Variants in NPSR1 observed in about 807,000 individuals in gnomAD.
NPSR1 encodes the protein neuropeptide S receptor 1, also known as neuropeptide S receptor.
Under a neutral mutation model 46.9 loss-of-function variants are expected in NPSR1, and 48 were observed. The ratio of observed to expected loss-of-function variants is 1.02; its 90% CI spans 0.81 to 1.30. The LOEUF (loss-of-function observed/expected upper bound fraction) is 1.30. Ranked by LOEUF, NPSR1 falls within the 50% of genes most tolerant of loss-of-function variation. The probability of loss-of-function intolerance (pLI) is 0.00; values close to 1 mark genes in which losing one functional copy is unlikely to be tolerated. For missense variants in NPSR1, 450 were observed against 449.5 expected, an observed-to-expected ratio of 1.00 and a Z score of -0.01; for synonymous variants, 176 against 168.1, an observed-to-expected ratio of 1.05 and a Z score of -0.36.
intron 2 of NPSR1, among the ~76,000 whole-genome samples, chr7:34,745,804 A>C (rs1785176870): frequency 1.3e-5 from 2 of 152,208 alleles, no homozygotes; most frequent in South Asian, 4.1e-4. Context: ...GTGAGCCACC[A>C]TCTCCGGCCT....
chr7:34,662,492 A>T (rs1791506663), intron 1 of NPSR1, among the ~76,000 whole-genome samples: 1 of 152,166 alleles, frequency 6.6e-6, no homozygotes, highest in Admixed American at 6.5e-5. Context: ...TCCTTCCTGG[A>T]ATCCAGAATC....
At chr7:34,823,399 G>GAAA (rs577186339) in intron 4 of NPSR1, among the ~76,000 whole-genome samples, 3,543 of 67,796 alleles carry the variant, frequency 0.052, 152 homozygotes, top group East Asian at 0.1. Context: ...GACTTCACCA[G>GAAA]AAAAAAAAAA....
At chr7:34,666,657 C>A (rs1448310338) in intron 1 of NPSR1, among the ~76,000 whole-genome samples, 1 of 152,104 alleles carries the variant, frequency 6.6e-6, no homozygotes, top group African/African-American at 2.4e-5. Context: ...CACTGCTAAG[C>A]TGAATACTTT....
chr7:34,740,752 G>A (rs1274554084), intron 2 of NPSR1, among the ~76,000 whole-genome samples: 1 of 152,130 alleles, frequency 6.6e-6, no homozygotes, highest in African/African-American at 2.4e-5. Flanking sequence ...CAGGATTTGG[G>A]GTGTCTCCTA....
chr7:34,781,875 T>C (rs907233159), intron 3 of NPSR1, among the ~76,000 whole-genome samples: 1 of 152,230 alleles, frequency 6.6e-6, no homozygotes, highest in African/African-American at 2.4e-5. Flanking sequence ...AAACTCTGCC[T>C]GCATGTGTCC....
intron 2 of NPSR1, among the ~76,000 whole-genome samples, chr7:34,727,721 A>G (rs1457087621): frequency 2.0e-5 from 3 of 152,222 alleles, no homozygotes; most frequent in African/African-American, 7.2e-5. Context: ...CACTCAGTCA[A>G]TCTCACAGAT....
chr7:34,849,674 T>G lies in NPSR1; in HGVS notation c.*19T>G, dbSNP rs747325809. 8 of 1,613,502 alleles carry G rather than the reference T, an allele frequency of 5.0e-6. No individual in the cohort carries two copies. The highest frequency in any genetic ancestry group is 3.3e-4 in the Middle Eastern group (2 of 5,972). Reference sequence around the variant, plus strand: ...CATCTAGACCCTAGGGCAGTGCCAGTGCTAGGCTGAGCACCATCAGCTCTC... The same window carrying G: ...CATCTAGACCCTAGGGCAGTGCCAGGGCTAGGCTGAGCACCATCAGCTCTC... On this transcript the variant is annotated 3_prime_UTR_variant, in exon 9 of 9. Transcript: ENST00000360581.
At chr7:34,780,265 T>C (rs1421195664) in intron 3 of NPSR1, among the ~76,000 whole-genome samples, 1 of 152,148 alleles carries the variant, frequency 6.6e-6, no homozygotes, top group Non-Finnish European at 1.5e-5. Context: ...ATGTTGGAGG[T>C]TGGCAACCAC....
At chr7:34,776,756 A>AGG (rs1786976466) in intron 2 of NPSR1, among the ~76,000 whole-genome samples, 1 of 152,168 alleles carries the variant, frequency 6.6e-6, no homozygotes, top group Non-Finnish European at 1.5e-5. Context: ...TTCTGAGCCC[A>AGG]GGGACTCTTT....
chr7:34,874,759 G>A (rs1791538299), intron 8 of NPSR1, among the ~76,000 whole-genome samples: 1 of 152,058 alleles, frequency 6.6e-6, no homozygotes, highest in Non-Finnish European at 1.5e-5. Context: ...CTCCCTGCAT[G>A]AGAAACTAAC....
intron 8 of NPSR1, among the ~76,000 whole-genome samples, chr7:34,876,482 C>A (rs1253698125): frequency 1.3e-5 from 2 of 152,122 alleles, no homozygotes; most frequent in Non-Finnish European, 2.9e-5. Flanking sequence ...AAATTGCTTC[C>A]TTTGCCTGTC....
chr7:34,830,136 C>T (rs945180733), intron 5 of NPSR1, among the ~76,000 whole-genome samples: 3 of 152,238 alleles, frequency 2.0e-5, no homozygotes, highest in African/African-American at 7.2e-5. Context: ...TAGTACCTGG[C>T]ATAGGTGCTA....
Position 34,661,697 on chromosome 7 carries a change from A to G in NPSR1, c.147+3138A>G, listed in dbSNP as rs543272559. ...GGTCTAGGGTGGGTTCACCCATCCC[A>G]TCTTCCACCATGGGCCTTGTGTAAC... On this transcript the variant is annotated intron_variant, in intron 1 of 8. Coordinates refer to ENST00000360581, the MANE Select transcript of NPSR1 (RefSeq NM_207172.2). Among the ~76,000 whole-genome samples, 8 of 152,302 alleles carry G rather than the reference A, an allele frequency of 5.3e-5. No individual in the cohort carries two copies. The South Asian group carries it at 1.7e-3, about 32-fold the overall frequency.
chr7:34,825,284 C>T (rs1317179074), intron 4 of NPSR1, among the ~76,000 whole-genome samples: 1 of 152,212 alleles, frequency 6.6e-6, no homozygotes, highest in African/African-American at 2.4e-5. Flanking sequence ...TGGCCATGGC[C>T]CTCATCCAGT....
At chr7:34,776,953 T>G (rs1786991214) in intron 2 of NPSR1, among the ~76,000 whole-genome samples, 1 of 152,182 alleles carries the variant, frequency 6.6e-6, no homozygotes, top group African/African-American at 2.4e-5. Flanking sequence ...GACAAAATCC[T>G]TCCTACTCCT....
At chr7:34,761,707 G>C (rs1196882796) in intron 2 of NPSR1, among the ~76,000 whole-genome samples, 1 of 152,150 alleles carries the variant, frequency 6.6e-6, no homozygotes, top group African/African-American at 2.4e-5. Flanking sequence ...AAACATCCCA[G>C]ATCATTTCTG....
intron 2 of NPSR1, among the ~76,000 whole-genome samples, chr7:34,749,766 C>A (rs550133848): frequency 6.6e-6 from 1 of 152,282 alleles, no homozygotes; most frequent in South Asian, 2.1e-4. Context: ...AGAAGGTTTC[C>A]GTCATATTCC....
At chr7:34,663,041 T>TTCTCTCTCTCTTTC (rs1554301911) in intron 1 of NPSR1, among the ~76,000 whole-genome samples, 10 of 108,286 alleles carry the variant, frequency 9.2e-5, no homozygotes, top group Non-Finnish European at 1.6e-4. Context: ...TGTAGTGCAT[T>TTCTCTCTCTCTTTC]TCTCTCTCTC....
intron 2 of NPSR1, among the ~76,000 whole-genome samples, chr7:34,711,959 AG>A (rs1783309297): frequency 1.3e-5 from 2 of 152,254 alleles, no homozygotes; most frequent in Admixed American, 1.3e-4. Flanking sequence ...GAATCTCTGA[AG>A]GTGGGACCCA....
Sources: gnomAD v4.1 joint callset for allele counts (sites outside exome capture counted in the v4.1 genomes callset) on GRCh38, gnomAD v4.1.1 for gene constraint, MANE v1.5 for transcripts, NCBI Gene and HGNC (gene_info 2026-07-23, HGNC 2026-07-21) for gene names.